HYCC2: variants seen among roughly 807,000 people sequenced by gnomAD.
The protein encoded by HYCC2 is hyccin PI4KA lipid kinase complex subunit 2, also known as hyccin 2.
chr2:201,035,744 T>A, the HYCC2 span, among the ~76,000 whole-genome samples: 2 of 152,320 alleles, frequency 1.3e-5, no homozygotes, highest in African/African-American at 4.8e-5. Flanking sequence ...TATCTACCTT[T>A]GGTCTTTGAT....
chr2:201,064,326 A>G, the HYCC2 span, among the ~76,000 whole-genome samples: 1 of 152,124 alleles, frequency 6.6e-6, no homozygotes, highest in South Asian at 2.1e-4. Flanking sequence ...TTTTGCACCC[A>G]TGCTGTTGAT....
chr2:201,069,016 G>GA, the HYCC2 span, among the ~76,000 whole-genome samples: 5 of 150,772 alleles, frequency 3.3e-5, no homozygotes, highest in East Asian at 5.8e-4. Context: ...TCTCTAAGGG[G>GA]AAAAAAAAAG....
At chr2:201,034,750 G>C in the HYCC2 span, among the ~76,000 whole-genome samples, 2 of 152,094 alleles carry the variant, frequency 1.3e-5, no homozygotes, top group African/African-American at 2.4e-5. Flanking sequence ...GGTACCGGTT[G>C]TTCCTTTCCA....
At chr2:201,060,043 T>TA in the HYCC2 span, among the ~76,000 whole-genome samples, 11 of 52,264 alleles carry the variant, frequency 2.1e-4, no homozygotes, top group South Asian at 3.0e-3. Context: ...AAACTCTGTC[T>TA]AAAAAAAAAG....
the HYCC2 span, among the ~76,000 whole-genome samples, chr2:201,014,679 G>C: frequency 6.6e-5 from 10 of 152,290 alleles, no homozygotes; most frequent in East Asian, 1.3e-3. Context: ...GTTTGCTAAT[G>C]ATTTTTTAAA....
chr2:201,053,981 C>A, the HYCC2 span, among the ~76,000 whole-genome samples: 32 of 151,916 alleles, frequency 2.1e-4, no homozygotes, highest in African/African-American at 5.8e-4. Context: ...AACAAACAAA[C>A]CTTACCTCAA....
chr2:200,977,019 A>T, the HYCC2 span: 2 of 152,224 alleles, frequency 1.3e-5, no homozygotes, highest in African/African-American at 4.8e-5. Context: ...TATTTAAATA[A>T]ATCCCAACAA....
the HYCC2 span, among the ~76,000 whole-genome samples, chr2:200,998,402 C>T: frequency 6.6e-6 from 1 of 152,144 alleles, no homozygotes; most frequent in Non-Finnish European, 1.5e-5. Flanking sequence ...GCCATAAAGC[C>T]CTTCTTAATT....
the HYCC2 span, among the ~76,000 whole-genome samples, chr2:201,051,855 G>A: frequency 6.6e-6 from 1 of 152,168 alleles, no homozygotes; most frequent in Admixed American, 6.6e-5. Flanking sequence ...GCCCAAAACT[G>A]AGATTGTACC....
chr2:200,981,324 C>T, the HYCC2 span: 1 of 1,614,046 alleles, frequency 6.2e-7, no homozygotes, highest in Middle Eastern at 1.6e-4. The surrounding 1 kb of genome is among the most constrained non-coding windows in gnomAD (Gnocchi z 4.5). Flanking sequence ...ACTGCTTGGT[C>T]AAGGGGGCTC....
the HYCC2 span, among the ~76,000 whole-genome samples, chr2:201,037,877 C>G: frequency 6.6e-6 from 1 of 151,962 alleles, no homozygotes; most frequent in Admixed American, 6.6e-5. Flanking sequence ...GCAACAAAAG[C>G]CAAAATTGAC....
At chr2:201,045,144 A>T in the HYCC2 span, among the ~76,000 whole-genome samples, 4 of 152,216 alleles carry the variant, frequency 2.6e-5, no homozygotes, top group Non-Finnish European at 4.4e-5. Flanking sequence ...ATAGGAAGCT[A>T]CTTGTGGCTA....
At chr2:201,063,200 G>A in the HYCC2 span, 4 of 1,607,426 alleles carry the variant, frequency 2.5e-6, no homozygotes, top group African/African-American at 5.3e-5. Context: ...TGAGCAACGG[G>A]GAACGCTCAC....
At chr2:201,047,521 A>C in the HYCC2 span, among the ~76,000 whole-genome samples, 2 of 151,246 alleles carry the variant, frequency 1.3e-5, no homozygotes, top group East Asian at 3.9e-4. Context: ...GATAAATGCA[A>C]TATTCTAAGA....
At chr2:201,008,834 G>C in the HYCC2 span, 166 of 592,856 alleles carry the variant, frequency 2.8e-4, 1 homozygote, top group African/African-American at 2.6e-3. Context: ...GGAGGTCAAG[G>C]CTGCAGTGAG....
the HYCC2 span, among the ~76,000 whole-genome samples, chr2:200,986,170 C>T: frequency 1.3e-5 from 2 of 152,162 alleles, no homozygotes; most frequent in East Asian, 1.9e-4. Flanking sequence ...ATCTCTCAAA[C>T]AGCACCAACT....
the HYCC2 span, chr2:201,045,485 C>A: frequency 2.5e-6 from 1 of 398,114 alleles, no homozygotes; most frequent in South Asian, 1.2e-4. Context: ...AAGTTAAAGT[C>A]TTAATTTTAC....
the HYCC2 span, among the ~76,000 whole-genome samples, chr2:201,018,885 T>C: frequency 8.5e-5 from 13 of 152,140 alleles, no homozygotes; most frequent in African/African-American, 3.1e-4. Flanking sequence ...GTCAGACAAT[T>C]TGTCAAAGGT....
chr2:201,060,702 G>A, the HYCC2 span, among the ~76,000 whole-genome samples: 8 of 152,094 alleles, frequency 5.3e-5, no homozygotes, highest in African/African-American at 1.2e-4. Flanking sequence ...CTCTGTTTCC[G>A]GCAGCCAAAC....
Sources: allele counts gnomAD v4.1 joint callset (sites outside exome capture counted in the v4.1 genomes callset), GRCh38; gene constraint gnomAD v4.1.1; non-coding constraint Gnocchi (gnomAD v3.1); transcripts MANE v1.5; gene names NCBI Gene and HGNC (gene_info 2026-07-23, HGNC 2026-07-21).